DPYD: variants seen among roughly 807,000 people sequenced by gnomAD.
The protein encoded by DPYD is dihydropyrimidine dehydrogenase [NADP(+)].
Under a neutral mutation model 116.2 loss-of-function variants are expected in DPYD, and 109 were observed. The ratio of observed to expected loss-of-function variants is 0.94; its 90% CI spans 0.80 to 1.10. DPYD has a LOEUF of 1.10. Ranked by LOEUF, DPYD falls within the 50% of genes least tolerant of loss-of-function variation. The pLI, the probability that DPYD is intolerant of heterozygous loss-of-function variation, is 0.00. For missense variants in DPYD, 1,302 were observed against 1,254.5 expected (o/e 1.04, Z -0.57); for synonymous variants, 440 against 432.0 (o/e 1.02, Z -0.23).
At chr1:97,884,693 T>C (rs1459114882) in intron 1 of DPYD, among the ~76,000 whole-genome samples, 1 of 152,066 alleles carries the variant, frequency 6.6e-6, no homozygotes, top group Non-Finnish European at 1.5e-5. Flanking sequence ...GAAACATCTC[T>C]ACCACAGTAT....
intron 18 of DPYD, among the ~76,000 whole-genome samples, chr1:97,239,049 T>C (rs1471963402): frequency 6.6e-6 from 1 of 152,202 alleles, no homozygotes; most frequent in African/African-American, 2.4e-5. Context: ...AGAACTTTGC[T>C]TTGCATTATG....
intron 20 of DPYD, among the ~76,000 whole-genome samples, chr1:97,107,367 G>C (rs188597648): frequency 2.3e-4 from 35 of 152,218 alleles, no homozygotes; most frequent in Admixed American, 1.3e-3. Context: ...GACAACCTGG[G>C]AAGGGTAAAA....
chr1:97,216,790 T>A (rs1660432765), intron 19 of DPYD, among the ~76,000 whole-genome samples: 1 of 150,552 alleles, frequency 6.6e-6, no homozygotes, highest in African/African-American at 2.4e-5. Flanking sequence ...GCGACACTCG[T>A]CTCAAACAAC....
intron 20 of DPYD, among the ~76,000 whole-genome samples, chr1:97,126,569 A>G (rs1652855879): frequency 2.0e-5 from 3 of 152,222 alleles, no homozygotes; most frequent in African/African-American, 7.2e-5. Context: ...CCACCTTGAT[A>G]TGGCCTTCTC....
chr1:97,162,876 G>A (rs2101748626), intron 20 of DPYD, among the ~76,000 whole-genome samples: 1 of 151,430 alleles, frequency 6.6e-6, no homozygotes, highest in Admixed American at 6.6e-5. Flanking sequence ...AACAAGCAAT[G>A]GGGAAAGGAT....
At chr1:97,286,366 T>C (rs1000621771) in intron 18 of DPYD, among the ~76,000 whole-genome samples, 2 of 152,202 alleles carry the variant, frequency 1.3e-5, no homozygotes, top group African/African-American at 4.8e-5. Flanking sequence ...TTTCTTTCAT[T>C]TCAATTTTGG....
chr1:97,357,521 G>A (rs1670486594), intron 16 of DPYD, among the ~76,000 whole-genome samples: 1 of 152,010 alleles, frequency 6.6e-6, no homozygotes, highest in East Asian at 1.9e-4. Flanking sequence ...GATTGGTCTG[G>A]TAAGGACTTC....
intron 11 of DPYD, among the ~76,000 whole-genome samples, chr1:97,566,369 G>A (rs1652520172): frequency 1.3e-5 from 2 of 152,084 alleles, no homozygotes; most frequent in African/African-American, 4.8e-5. Flanking sequence ...GATCTCTAAG[G>A]TCCTTCTAGC....
rs559484795 is a variant in DPYD at position 97,611,640 on chromosome 1, C to A, written c.851-16474G>T. Among the ~76,000 whole-genome samples, 120 of 152,120 alleles carry A rather than the reference C, an allele frequency of 7.9e-4. 1 individual carries two copies. The highest frequency in any genetic ancestry group is 2.7e-3 in the African/African-American group (111 of 41,538). On this transcript the variant is annotated intron_variant, in intron 8 of 22. Coordinates refer to ENST00000370192, the MANE Select transcript of DPYD (RefSeq NM_000110.4). ...CATCACAGCAGTTTTCAAACATTCA[C>A]AATGCATCACGTACTGTGCTAGACA...
intron 1 of DPYD, among the ~76,000 whole-genome samples, chr1:97,892,954 C>T (rs919469595): frequency 6.6e-6 from 1 of 151,790 alleles, no homozygotes; most frequent in Non-Finnish European, 1.5e-5. Context: ...CTCTCTACTC[C>T]TTCAACTGTA....
rs1667383050 is a variant in DPYD, at chr1:97,309,664, G to C, written c.2059-3367C>G. The stretch of plus-strand genomic sequence containing the variant: ...TTTGATGAGGTACAGCCCAGTGTCT[G>C]CCTGCAACTAATCTTATCGGGAATA... On this transcript the variant is annotated intron_variant, in intron 16 of 22. Transcript: ENST00000370192. Among the ~76,000 whole-genome samples, 5 of 151,698 alleles carry C rather than the reference G, an allele frequency of 3.3e-5. No homozygotes were observed. The Admixed American group carries it at 3.3e-4, about 10-fold the overall frequency.
intron 18 of DPYD, among the ~76,000 whole-genome samples, chr1:97,300,866 T>C (rs1558011258): frequency 6.6e-6 from 1 of 152,078 alleles, no homozygotes; most frequent in Admixed American, 6.6e-5. Flanking sequence ...GCTACTATAT[T>C]GATTCACATT....
At chr1:97,590,371 G>C (rs1192355698) in intron 10 of DPYD, among the ~76,000 whole-genome samples, 1 of 152,176 alleles carries the variant, frequency 6.6e-6, no homozygotes, top group Non-Finnish European at 1.5e-5. Context: ...TGTAATGCTA[G>C]AAAGCCTTCG....
At position 97,630,104 on chromosome 1, in the gene DPYD, A is replaced by G. The variant is rs370221893; in HGVS notation, c.851-34938T>C. 1.7e-4 allele frequency among the ~76,000 whole-genome samples: 26 copies of G among 152,066 alleles called. No individual in the cohort carries two copies. In the East Asian group the frequency reaches 1.9e-3, roughly 11 times the overall value. ...ATATATTATGACAGTTTGTTTAACC[A>G]TTAGTCAGTGAAGAACGTCTATGCT... On this transcript the variant is annotated intron_variant, in intron 8 of 22. Coordinates refer to ENST00000370192, the MANE Select transcript of DPYD (RefSeq NM_000110.4).
In DPYD at chr1:97,229,587, T is replaced by TATAAAA. The variant is rs1434809487; in HGVS notation, c.2442+5264_2442+5265insTTTTAT. 7.7e-4 allele frequency among the ~76,000 whole-genome samples: 50 copies of TATAAAA among 64,664 alleles called. 1 individual carries two copies. Among genetic ancestry groups the TATAAAA allele is most frequent in the African/African-American group, 2.7e-3 (46 of 17,286 alleles). The allele number at this position is 64,664 out of a possible 152,430, so 42.4% of individuals were successfully genotyped here. On this transcript the variant is annotated intron_variant, in intron 19 of 22. Transcript: ENST00000370192. ...ATATATATATATATATATATATATA[T>TATAAAA]ATACTGATTTTAATTCATACTTTAG...
chr1:97,909,877 TTACTG>T (rs1249029674), intron 1 of DPYD, among the ~76,000 whole-genome samples: 4 of 152,120 alleles, frequency 2.6e-5, no homozygotes, highest in Admixed American at 1.3e-4. Context: ...CGTGGTATCT[TTACTG>T]TGCTATCTAA....
At chr1:97,167,365 C>A (rs577974876) in intron 20 of DPYD, among the ~76,000 whole-genome samples, 67 of 152,224 alleles carry the variant, frequency 4.4e-4, no homozygotes, top group African/African-American at 1.6e-3. Context: ...TGACACTGTA[C>A]AATTCTTGGA....
At chr1:97,702,360 G>A (rs565732525) in intron 5 of DPYD, among the ~76,000 whole-genome samples, 33 of 151,590 alleles carry the variant, frequency 2.2e-4, no homozygotes, top group African/African-American at 4.6e-4. Context: ...CTCTGATCAG[G>A]GAACAGAGAT....
intron 3 of DPYD, among the ~76,000 whole-genome samples, chr1:97,752,519 T>G (rs2101103850): frequency 6.6e-6 from 1 of 152,300 alleles, no homozygotes; most frequent in Middle Eastern, 3.4e-3. Context: ...GGGGAGAATC[T>G]TGGTACAATA....
Sources: allele counts gnomAD v4.1 joint callset (sites outside exome capture counted in the v4.1 genomes callset), GRCh38; gene constraint gnomAD v4.1.1; transcripts MANE v1.5; gene names NCBI Gene and HGNC (gene_info 2026-07-23, HGNC 2026-07-21).